NLGN4X: variants seen among roughly 807,000 people sequenced by gnomAD.
The protein encoded by NLGN4X is neuroligin-4, X-linked.
Under a neutral mutation model 40.3 loss-of-function variants are expected in NLGN4X, and 3 were observed. The observed-to-expected ratio is 0.07, with a 90% CI of 0.03 to 0.19. The LOEUF is 0.19. Ranked by LOEUF, NLGN4X falls within the 10% of genes least tolerant of loss-of-function variation. The pLI is 1.00. For synonymous variants in NLGN4X, 270 were observed against 306.8 expected, an observed-to-expected ratio of 0.88 and a Z score of 1.25; for missense variants, 382 against 708.3, an observed-to-expected ratio of 0.54 and a Z score of 5.23.
At chrX:6,112,222 C>T (rs767370355) in intron 2 of NLGN4X, among the ~76,000 whole-genome samples, 1 of 111,236 alleles carries the variant, frequency 9.0e-6, no homozygotes, top group Non-Finnish European at 1.9e-5. Flanking sequence ...AACCTAGTGA[C>T]GGGATCAACG....
rs755546797 is a variant in NLGN4X at position 5,920,775 on chromosome X, C to T, written c.626-11536G>A. The stretch of plus-strand genomic sequence containing the variant: ...ATTTTCACCCTGCCTGAGTTACACA[C>T]ACATTCAAGAGTCCTAGGACTGTGG... On this transcript the variant is annotated intron_variant, in intron 3 of 5. Coordinates refer to ENST00000381095, the MANE Select transcript of NLGN4X (RefSeq NM_181332.3). 5.4e-5 allele frequency among the ~76,000 whole-genome samples: 6 copies of T among 111,229 alleles called. No individual in the cohort carries two copies. In the East Asian group the frequency reaches 1.7e-3, roughly 32 times the overall value.
At chrX:6,014,544 T>G (rs1266672564) in intron 3 of NLGN4X, among the ~76,000 whole-genome samples, 2 of 111,615 alleles carry the variant, frequency 1.8e-5, no homozygotes, top group African/African-American at 3.3e-5. Context: ...GTAAGGAATG[T>G]TTTTCGTGAA....
At chrX:5,910,715 A>G (rs1601870254) in intron 3 of NLGN4X, among the ~76,000 whole-genome samples, 1 of 111,610 alleles carries the variant, frequency 9.0e-6, no homozygotes. Context: ...AAAGGAGGAA[A>G]TGGCCTGGCT....
At chrX:5,966,703 C>T in intron 3 of NLGN4X, among the ~76,000 whole-genome samples, 1 of 112,052 alleles carries the variant, frequency 8.9e-6, no homozygotes, top group Non-Finnish European at 1.9e-5. Context: ...GAGATACAAG[C>T]ATTGCAACTA....
intron 3 of NLGN4X, among the ~76,000 whole-genome samples, chrX:5,933,032 T>C (rs1490029757): frequency 9.0e-6 from 1 of 110,648 alleles, no homozygotes; most frequent in African/African-American, 3.3e-5. Flanking sequence ...TTCCCAGTCA[T>C]AGCACAAGAC....
chrX:6,026,856 G>T (rs747854592), intron 3 of NLGN4X, among the ~76,000 whole-genome samples: 1 of 111,216 alleles, frequency 9.0e-6, no homozygotes, highest in East Asian at 2.8e-4. Context: ...TAAAAAAAGT[G>T]TGTATACTTT....
At chrX:6,043,356 C>T (rs983157971) in intron 2 of NLGN4X, among the ~76,000 whole-genome samples, 9 of 110,428 alleles carry the variant, frequency 8.2e-5, no homozygotes, top group African/African-American at 1.6e-4. Flanking sequence ...TACACACATA[C>T]GTGTATTTGT....
At chrX:5,978,524 A>G (rs1295041597) in intron 3 of NLGN4X, among the ~76,000 whole-genome samples, 1 of 111,337 alleles carries the variant, frequency 9.0e-6, no homozygotes, top group Admixed American at 9.7e-5. Context: ...GAGATGCCAT[A>G]AGGCAGAATT....
At chrX:5,932,445 C>T (rs1428776593) in intron 3 of NLGN4X, among the ~76,000 whole-genome samples, 1 of 110,795 alleles carries the variant, frequency 9.0e-6, no homozygotes, top group Non-Finnish European at 1.9e-5. Flanking sequence ...CAAACGCTCT[C>T]TCTCAACAGA....
intron 2 of NLGN4X, among the ~76,000 whole-genome samples, chrX:6,118,040 CCTT>C (rs1277326108): frequency 9.0e-6 from 1 of 110,536 alleles, no homozygotes; most frequent in African/African-American, 3.3e-5. Context: ...CTCTCTCTCT[CCTT>C]CTATCTATAT....
intron 1 of NLGN4X, among the ~76,000 whole-genome samples, chrX:6,225,009 T>TAC (rs1363148127): frequency 2.1e-5 from 1 of 48,429 alleles, no homozygotes; most frequent in African/African-American, 7.0e-5. Flanking sequence ...TATATATATA[T>TAC]ATACACACAC....
At chrX:6,165,176 T>C (rs1477235778) in intron 1 of NLGN4X, among the ~76,000 whole-genome samples, 2 of 111,781 alleles carry the variant, frequency 1.8e-5, no homozygotes, top group African/African-American at 6.5e-5. Flanking sequence ...GGGTCAGAAC[T>C]TAACTGAGAT....
intron 3 of NLGN4X, among the ~76,000 whole-genome samples, chrX:5,983,115 C>A (rs981976844): frequency 4.4e-5 from 5 of 112,541 alleles, no homozygotes; most frequent in Non-Finnish European, 9.4e-5. Flanking sequence ...ACCCTCAAGG[C>A]AAACATGAAA....
chrX:6,057,485 G>A (rs1186403710), intron 2 of NLGN4X, among the ~76,000 whole-genome samples: 1 of 112,023 alleles, frequency 8.9e-6, no homozygotes, highest in Non-Finnish European at 1.9e-5. Context: ...AGATTACTAA[G>A]AATTAGATAA....
chrX:6,129,659 T>C (rs1321020524), intron 2 of NLGN4X, among the ~76,000 whole-genome samples: 4 of 111,324 alleles, frequency 3.6e-5, no homozygotes, highest in African/African-American at 9.8e-5. Context: ...ATAAACAATA[T>C]GTTTAGGAGT....
intron 3 of NLGN4X, among the ~76,000 whole-genome samples, chrX:5,945,385 T>C (rs958326686): frequency 3.1e-4 from 35 of 111,980 alleles, no homozygotes; most frequent in Non-Finnish European, 9.4e-5. Context: ...TAAAATGGCA[T>C]ATGCTTCTGA....
rs1040683790 is a variant in NLGN4X at position 5,943,138 on chromosome X, C to T, written c.626-33899G>A. Among the ~76,000 whole-genome samples, 11 of 111,088 alleles carry T rather than the reference C, an allele frequency of 9.9e-5. 1 individual carries two copies. Among genetic ancestry groups the T allele is most frequent in the Admixed American group, 1.9e-4 (2 of 10,437 alleles). ...GGAGACAAGAGGTAGAAAAGGAAGT[C>T]GGAGAGATTCAGTGCATTAGAAGCT... On this transcript the variant is annotated intron_variant, in intron 3 of 5. Transcript: ENST00000381095.
chrX:5,979,023 C>A (rs901239927), intron 3 of NLGN4X, among the ~76,000 whole-genome samples: 1 of 110,956 alleles, frequency 9.0e-6, no homozygotes, highest in African/African-American at 3.3e-5. Flanking sequence ...CATATATATA[C>A]ATGTACATAT....
intron 1 of NLGN4X, among the ~76,000 whole-genome samples, chrX:6,209,343 C>A (rs891071708): frequency 9.0e-6 from 1 of 111,601 alleles, no homozygotes; most frequent in African/African-American, 3.3e-5. Flanking sequence ...TGCAATATAT[C>A]CATGTAACAA....
Sources: gnomAD v4.1 joint callset for allele counts (sites outside exome capture counted in the v4.1 genomes callset) on GRCh38, gnomAD v4.1.1 for gene constraint, MANE v1.5 for transcripts, NCBI Gene and HGNC (gene_info 2026-07-23, HGNC 2026-07-21) for gene names.